The following UGT2B7 variants were observed in gnomAD, a reference collection of about 807,000 sequenced individuals.
UGT2B7 encodes the protein UDP glucuronosyltransferase family 2 member B7, also known as UDP-glucuronosyltransferase 2B7.
A neutral mutation model predicts 51.9 loss-of-function variants in UGT2B7; 51 were observed. The ratio of observed to expected loss-of-function variants is 0.98; its 90% confidence interval spans 0.78 to 1.24. The LOEUF is 1.24. Among genes scored for constraint, UGT2B7 ranks in the 50% most tolerant of loss-of-function variants. The pLI is 0.00. For synonymous variants in UGT2B7, 225 were observed against 211.6 expected (o/e 1.06, Z -0.55); for missense variants, 727 against 628.4 (o/e 1.16, Z -1.68).
At chr4:69,106,045 T>G (rs1403318771) in intron 3 of UGT2B7, among the ~76,000 whole-genome samples, 8 of 152,170 alleles carry the variant, frequency 5.3e-5, no homozygotes, top group Non-Finnish European at 1.2e-4. Context: ...AAGGAATAGC[T>G]AAAATTTTTA....
chr4:69,063,318 C>CAAAAAAA (rs556109411), intron 1 of UGT2B7, among the ~76,000 whole-genome samples: 1 of 23,844 alleles, frequency 4.2e-5, no homozygotes, highest in Non-Finnish European at 7.4e-5. Context: ...GACTCCGTCT[C>CAAAAAAA]AAAAAAAAAA....
upstream of UGT2B7, among the ~76,000 whole-genome samples, chr4:69,093,637 C>A (rs1719139212): frequency 6.6e-6 from 1 of 152,180 alleles, no homozygotes; most frequent in Admixed American, 6.5e-5. Flanking sequence ...ACTCCACATA[C>A]CTTTGTGTGT....
intron 1 of UGT2B7, among the ~76,000 whole-genome samples, chr4:69,070,588 C>T (rs1262384331): frequency 6.6e-6 from 1 of 151,740 alleles, no homozygotes; most frequent in South Asian, 2.1e-4. Context: ...AAAGAAAATC[C>T]ATTTATGAAT....
intron 1 of UGT2B7, among the ~76,000 whole-genome samples, chr4:69,053,910 G>A (rs1350634552): frequency 6.6e-6 from 1 of 152,056 alleles, no homozygotes; most frequent in African/African-American, 2.4e-5. Flanking sequence ...ATCAACCAGA[G>A]GAAGAAAAGA....
chr4:69,098,553 A>T lies in UGT2B7; in HGVS notation c.735A>T (p.Thr245=), dbSNP rs28365062. 6.2e-7 allele frequency: 1 copy of T among 1,604,502 alleles called. No individual in the cohort carries two copies. The highest frequency in any genetic ancestry group is 2.2e-5 in the East Asian group (1 of 44,708). The change falls in exon 2 of 6, where the codon ACA becomes ACT. Residue 245 remains threonine, a synonymous_variant. Transcript: ENST00000305231. ...TATTCCTGTCAGGAAGACCCACTACATTATCTGAGACAATGGGGAAAGCTG... is the reference window on the plus strand; with the variant it reads ...TATTCCTGTCAGGAAGACCCACTACTTTATCTGAGACAATGGGGAAAGCTG... ...FYSEVLGRPT[T]LSETMGKADV...
intron 1 of UGT2B7, among the ~76,000 whole-genome samples, chr4:69,067,984 C>A (rs1718518021): frequency 6.6e-6 from 1 of 151,994 alleles, no homozygotes; most frequent in African/African-American, 2.4e-5. Flanking sequence ...TGTTGTCTTT[C>A]AGAATGAGAA....
chr4:69,076,861 C>T (rs1430015280), intron 1 of UGT2B7, among the ~76,000 whole-genome samples: 1 of 152,158 alleles, frequency 6.6e-6, no homozygotes, highest in Non-Finnish European at 1.5e-5. Flanking sequence ...TTTGCCCATG[C>T]CTATGTCCTA....
chr4:69,069,913 A>C (rs1446458060), intron 1 of UGT2B7: 2 of 152,132 alleles, frequency 1.3e-5, no homozygotes, highest in Non-Finnish European at 2.9e-5. Context: ...TAAGGCAGGC[A>C]GGCATGATAC....
intron 3 of UGT2B7, among the ~76,000 whole-genome samples, chr4:69,106,824 T>C (rs1157902670): frequency 1.3e-5 from 2 of 152,018 alleles, no homozygotes; most frequent in Non-Finnish European, 2.9e-5. Flanking sequence ...ATTATGGTTT[T>C]GATTTGCATT....
chr4:69,067,798 A>T lies in UGT2B7; in HGVS notation c.-159+16196A>T, dbSNP rs571275705. Among the ~76,000 whole-genome samples the T allele has an allele frequency of 2.0e-5, 3 of 152,278 alleles. No individual in the cohort carries two copies. In the East Asian group the frequency reaches 5.8e-4, roughly 29 times the overall value. On this transcript the variant is annotated intron_variant, in intron 1 of 5. Transcript: ENST00000502942. ...CAATGTGTTTTTTTCGTTTGTTTTA[A>T]TGGAAACATTTGTCAGAGGTTTTAG...
intron 1 of UGT2B7, among the ~76,000 whole-genome samples, chr4:69,053,990 C>A (rs1400103703): frequency 6.6e-6 from 1 of 152,032 alleles, no homozygotes; most frequent in Non-Finnish European, 1.5e-5. Context: ...TATTTAGATG[C>A]AATTAGAGCC....
In UGT2B7 at chr4:69,052,360, C is replaced by T. The variant is rs1718045484; in HGVS notation, c.-159+758C>T. On this transcript the variant is annotated intron_variant, in intron 1 of 5. Transcript: ENST00000502942. ...GAGAGAAAAAAAAGGCCATCTATAC[C>T]AATTCTAAGTTAATTTAGACTAAAC... 2.0e-5 allele frequency among the ~76,000 whole-genome samples: 3 copies of T among 151,818 alleles called. No individual in the cohort carries two copies. In the South Asian group the frequency reaches 6.2e-4, roughly 32 times the overall value.
intron 1 of UGT2B7, among the ~76,000 whole-genome samples, chr4:69,077,296 A>ATT (rs140219027): frequency 6.6e-6 from 1 of 150,840 alleles, no homozygotes; most frequent in African/African-American, 2.4e-5. Flanking sequence ...AGTTTAAAGT[A>ATT]TTTTTTTTTT....
intron 1 of UGT2B7, among the ~76,000 whole-genome samples, chr4:69,055,184 A>G (rs922979464): frequency 6.6e-6 from 1 of 150,850 alleles, no homozygotes. Flanking sequence ...ATTAATAGTA[A>G]GCAGCATGAG....
At chr4:69,094,951 C>T (rs4538548), upstream of UGT2B7, among the ~76,000 whole-genome samples, 87,262 of 151,532 alleles carry the variant, frequency 0.58, 26,080 homozygotes, top group African/African-American at 0.71. Context: ...GTTTCTTTGC[C>T]CCTCCAAAAG....
In UGT2B7 at chr4:69,107,275, T is replaced by G; in HGVS notation, c.1090+13T>G. ...AATGACCTTCTAGGTAAGACTCTGG[T>G]GAACAAATACTGAATATATTAGTAA... On this transcript the variant is annotated intron_variant, in intron 4 of 5. Transcript: ENST00000305231. 1 of 1,594,658 alleles carries G rather than the reference T, an allele frequency of 6.3e-7. No individual in the cohort carries two copies. The highest frequency in any genetic ancestry group is 2.2e-5 in the East Asian group (1 of 44,590).
intron 1 of UGT2B7, among the ~76,000 whole-genome samples, chr4:69,064,019 G>GGAAAGAA (rs1718415505): frequency 3.3e-5 from 2 of 60,152 alleles, no homozygotes; most frequent in East Asian, 4.0e-4. Context: ...AGATGAGATG[G>GGAAAGAA]GAAAGAAAGA....
chr4:69,064,112 A>AAGAAAGAGAGAGAAAGAAAGAAAG (rs754723956), intron 1 of UGT2B7, among the ~76,000 whole-genome samples: 3 of 86,800 alleles, frequency 3.5e-5, no homozygotes, highest in Non-Finnish European at 6.5e-5. Context: ...GAAAGAAAGA[A>AAGAAAGAGAGAGAAAGAAAGAAAG]AAAGAAAGAA....
Position 69,107,279 on chromosome 4 carries a change from C to A in UGT2B7, c.1090+17C>A, listed in dbSNP as rs767049319. The A allele has an allele frequency of 2.5e-6, 4 of 1,588,320 alleles. No homozygotes were observed. Among genetic ancestry groups the A allele is most frequent in the Non-Finnish European group, 2.6e-6 (3 of 1,162,368 alleles). On this transcript the variant is annotated intron_variant, in intron 4 of 5. Transcript: ENST00000305231. The stretch of plus-strand genomic sequence containing the variant: ...ACCTTCTAGGTAAGACTCTGGTGAA[C>A]AAATACTGAATATATTAGTAACAGC...
Sources: gnomAD v4.1 joint callset for allele counts (sites outside exome capture counted in the v4.1 genomes callset) on GRCh38, gnomAD v4.1.1 for gene constraint, MANE v1.5 for transcripts, NCBI Gene and HGNC (gene_info 2026-07-23, HGNC 2026-07-21) for gene names.